The following CELF4 variants were observed in gnomAD, a reference collection of about 807,000 sequenced individuals.
The protein encoded by CELF4 is CUG-BP- and ETR-3-like factor 4.
CELF4 carries 18 observed loss-of-function variants against 59.9 expected under a neutral mutation model. The ratio of observed to expected loss-of-function variants is 0.30; its 90% CI spans 0.21 to 0.45. The LOEUF (loss-of-function observed/expected upper bound fraction) is 0.45, where lower values mean the gene tolerates loss of function less well. CELF4 is among the 20% of genes least tolerant of loss of function. CELF4 has a pLI of 1.00. For missense variants in CELF4, 456 were observed against 689.0 expected (o/e 0.66, Z 3.79); for synonymous variants, 261 against 267.1 (o/e 0.98, Z 0.22).
intron 2 of CELF4, among the ~76,000 whole-genome samples, chr18:37,388,152 T>C (rs909316504): frequency 6.6e-6 from 1 of 151,838 alleles, no homozygotes; most frequent in Admixed American, 6.6e-5. Context: ...TCACCTGAGG[T>C]GTGAGAGGGG....
intron 1 of CELF4, among the ~76,000 whole-genome samples, chr18:37,486,551 T>C (rs2099881767): frequency 6.6e-6 from 1 of 152,232 alleles, no homozygotes; most frequent in South Asian, 2.1e-4. Context: ...ATGCCCAGTG[T>C]CAGGCCTTCT....
intron 1 of CELF4, among the ~76,000 whole-genome samples, chr18:37,518,092 T>C (rs2099952934): frequency 6.6e-6 from 1 of 152,106 alleles, no homozygotes; most frequent in Non-Finnish European, 1.5e-5. Flanking sequence ...CAAGGCTCCC[T>C]CTTTCCTCTG....
intron 2 of CELF4, among the ~76,000 whole-genome samples, chr18:37,436,222 C>T (rs1169824228): frequency 2.0e-5 from 3 of 152,182 alleles, no homozygotes; most frequent in Admixed American, 6.5e-5. Context: ...CTCAACTCTC[C>T]AGCACTGTAT....
At chr18:37,496,574 C>G (rs1180392606) in intron 1 of CELF4, among the ~76,000 whole-genome samples, 1 of 152,148 alleles carries the variant, frequency 6.6e-6, no homozygotes, top group South Asian at 2.1e-4. Context: ...AAATTCCAAC[C>G]TCAGCATCCA....
At chr18:37,415,613 A>G (rs1036187876) in intron 2 of CELF4, among the ~76,000 whole-genome samples, 5 of 152,226 alleles carry the variant, frequency 3.3e-5, no homozygotes, top group Admixed American at 6.5e-5. Context: ...AGAAGTGGAA[A>G]ATGGTCTTCA....
chr18:37,313,378 GTC>G (rs1241259912), intron 3 of CELF4, among the ~76,000 whole-genome samples: 1 of 152,196 alleles, frequency 6.6e-6, no homozygotes, highest in Non-Finnish European at 1.5e-5. Context: ...AGATGCTTTT[GTC>G]CAGTGAGTCA....
chr18:37,490,047 T>C (rs936966371), intron 1 of CELF4, among the ~76,000 whole-genome samples: 1 of 152,220 alleles, frequency 6.6e-6, no homozygotes, highest in Admixed American at 6.5e-5. Flanking sequence ...AATGCTTTCA[T>C]TTTTAAACTG....
intron 2 of CELF4, among the ~76,000 whole-genome samples, chr18:37,436,240 CGTTT>C (rs1326079685): frequency 3.9e-5 from 6 of 152,106 alleles, no homozygotes; most frequent in African/African-American, 1.4e-4. Context: ...TATACCGATA[CGTTT>C]GTTTAAGACG....
intron 1 of CELF4, among the ~76,000 whole-genome samples, chr18:37,541,889 T>G (rs1312547426): frequency 1.3e-5 from 2 of 152,158 alleles, no homozygotes; most frequent in Non-Finnish European, 2.9e-5. Context: ...CTCATCCATA[T>G]GTTTTAATTC....
At chr18:37,547,056 C>A (rs765995261) in intron 1 of CELF4, among the ~76,000 whole-genome samples, 9 of 152,088 alleles carry the variant, frequency 5.9e-5, no homozygotes, top group Non-Finnish European at 1.3e-4. Flanking sequence ...ATTCCTGGAT[C>A]CTCAGGATTT....
intron 2 of CELF4, among the ~76,000 whole-genome samples, chr18:37,405,590 G>A (rs1276751142): frequency 6.6e-6 from 1 of 152,218 alleles, no homozygotes; most frequent in Non-Finnish European, 1.5e-5. Context: ...AAATGCAGGG[G>A]AAGCCTTCTC....
intron 2 of CELF4, among the ~76,000 whole-genome samples, chr18:37,430,041 T>C (rs778422468): frequency 6.6e-6 from 1 of 152,216 alleles, no homozygotes; most frequent in African/African-American, 2.4e-5. Flanking sequence ...TCCTTCAGCA[T>C]CTTTCCCTAG....
intron 1 of CELF4, among the ~76,000 whole-genome samples, chr18:37,489,764 G>GC (rs2099894477): frequency 6.6e-6 from 1 of 152,212 alleles, no homozygotes; most frequent in Non-Finnish European, 1.5e-5. Flanking sequence ...AGGAGCAGCT[G>GC]CCTAACAACA....
At position 37,254,101 on chromosome 18, in the gene CELF4, C is replaced by A; in HGVS notation, c.1334-163G>T. On this transcript the variant is annotated intron_variant, in intron 11 of 12. Coordinates refer to ENST00000420428, the MANE Select transcript of CELF4 (RefSeq NM_020180.4). The surrounding 1 kb of genome is among the most constrained non-coding windows in gnomAD (Gnocchi z 5.1). ...GGTGCCCGCCCCTCTCCAGCCCGCGCGCGCGTGCTAGGCCCCTCCGGGGGC... is the reference window on the plus strand; with the variant it reads ...GGTGCCCGCCCCTCTCCAGCCCGCGAGCGCGTGCTAGGCCCCTCCGGGGGC... 2.8e-6 allele frequency: 1 copy of A among 352,048 alleles called. No individual in the cohort carries two copies. Among genetic ancestry groups the A allele is most frequent in the Non-Finnish European group, 4.5e-6 (1 of 221,764 alleles). The allele number at this position is 352,048 out of a possible 1,614,324, so 21.8% of individuals were successfully genotyped here. A position where few individuals can be genotyped will look rare whatever the true frequency, so the allele number is the denominator to read the frequency against.
In CELF4 at chr18:37,296,592, T is replaced by C. The variant is rs541572004; in HGVS notation, c.449-21349A>G. ...TTTGAAAGGGAACACTATTAATAAT[T>C]AGTCCAGGACAACATGCAACTCCGG... On this transcript the variant is annotated intron_variant, in intron 3 of 12. Transcript: ENST00000420428. Among the ~76,000 whole-genome samples the C allele has an allele frequency of 2.7e-3, 407 of 152,324 alleles. 4 individuals carry two copies. Among genetic ancestry groups the C allele is most frequent in the African/African-American group, 9.5e-3 (394 of 41,572 alleles).
At chr18:37,505,145 G>A (rs2099936331) in intron 1 of CELF4, among the ~76,000 whole-genome samples, 1 of 152,124 alleles carries the variant, frequency 6.6e-6, no homozygotes, top group Non-Finnish European at 1.5e-5. Context: ...GGGGGCAACT[G>A]TCCCAGAGGG....
chr18:37,272,062 A>G (rs542964319), intron 7 of CELF4, among the ~76,000 whole-genome samples: 20 of 152,230 alleles, frequency 1.3e-4, no homozygotes, highest in Non-Finnish European at 2.4e-4. Context: ...GAGATGGCAC[A>G]GTCTTTTTGG....
intron 3 of CELF4, among the ~76,000 whole-genome samples, chr18:37,302,285 C>T (rs1027764203): frequency 1.3e-5 from 2 of 152,094 alleles, no homozygotes; most frequent in Non-Finnish European, 2.9e-5. Context: ...TTGGCTAAGC[C>T]CCAGTGTGTG....
At chr18:37,514,282 T>C (rs965384570) in intron 1 of CELF4, among the ~76,000 whole-genome samples, 1 of 152,038 alleles carries the variant, frequency 6.6e-6, no homozygotes, top group Non-Finnish European at 1.5e-5. Context: ...CCTCTTCCCC[T>C]CTCTCTCCTA....
Sources: allele counts gnomAD v4.1 joint callset (sites outside exome capture counted in the v4.1 genomes callset), GRCh38; gene constraint gnomAD v4.1.1; non-coding constraint Gnocchi (gnomAD v3.1); transcripts MANE v1.5; gene names NCBI Gene and HGNC (gene_info 2026-07-23, HGNC 2026-07-21).